The following PTPRT variants were observed in gnomAD, a reference collection of about 807,000 sequenced individuals.
PTPRT encodes the protein receptor-type tyrosine-protein phosphatase T.
PTPRT carries 56 observed loss-of-function variants against 176.8 expected under a neutral mutation model. The observed-to-expected ratio is 0.32, with a 90% CI of 0.26 to 0.40. PTPRT has a LOEUF of 0.40. Ranked by LOEUF, PTPRT falls within the 10% of genes least tolerant of loss-of-function variation. The pLI is 1.00. For missense variants in PTPRT, 1,540 were observed against 1,908.2 expected (o/e 0.81, Z 3.60); for synonymous variants, 783 against 739.0 (o/e 1.06, Z -0.96).
At position 42,338,564 on chromosome 20, in the gene PTPRT, T is replaced by C. The variant is rs527957007; in HGVS notation, c.1865+12064A>G. Among the ~76,000 whole-genome samples the C allele has an allele frequency of 4.6e-5, 7 of 152,286 alleles. No individual in the cohort carries two copies. In the South Asian group the frequency reaches 1.5e-3, roughly 32 times the overall value. On this transcript the variant is annotated intron_variant, in intron 11 of 30. Transcript: ENST00000373187. ...CAGGGTGTCCTGGCAGGGGAGACGTTATCTGAGAGCCGTGGGAAGCAGATG... is the reference window on the plus strand; with the variant it reads ...CAGGGTGTCCTGGCAGGGGAGACGTCATCTGAGAGCCGTGGGAAGCAGATG...
intron 7 of PTPRT, among the ~76,000 whole-genome samples, chr20:42,511,627 A>G (rs1422286884): frequency 1.3e-5 from 2 of 152,156 alleles, no homozygotes; most frequent in Non-Finnish European, 2.9e-5. Flanking sequence ...GGAGCTCGAT[A>G]AAGATCACGA....
At chr20:42,424,882 A>T (rs552051003) in intron 9 of PTPRT, among the ~76,000 whole-genome samples, 1 of 150,834 alleles carries the variant, frequency 6.6e-6, no homozygotes, top group African/African-American at 2.4e-5. Context: ...TGTTAAAGAG[A>T]GTTGCCTCTC....
intron 1 of PTPRT, among the ~76,000 whole-genome samples, chr20:43,045,455 A>ATTT (rs143406929): frequency 0.063 from 8,029 of 127,162 alleles, 908 homozygotes; most frequent in African/African-American, 0.2. Flanking sequence ...TCTTTTTTTC[A>ATTT]TTTTTTTTTT....
In PTPRT at chr20:42,843,541, C is replaced by G. The variant is rs542099621; in HGVS notation, c.214+42266G>C. Among the ~76,000 whole-genome samples, 25 of 152,300 alleles carry G rather than the reference C, an allele frequency of 1.6e-4. No homozygotes were observed. In the South Asian group the frequency reaches 5.0e-3, roughly 30 times the overall value. The stretch of plus-strand genomic sequence containing the variant: ...TCAAATTGTCATTTCTCCAAAGAAA[C>G]CTGGCAAGGGTGATAACCTCTGGTG... On this transcript the variant is annotated intron_variant, in intron 2 of 30. Coordinates refer to ENST00000373187, the MANE Select transcript of PTPRT (RefSeq NM_007050.6).
intron 1 of PTPRT, among the ~76,000 whole-genome samples, chr20:43,169,225 T>G (rs2014932480): frequency 6.6e-6 from 1 of 152,138 alleles, no homozygotes; most frequent in African/African-American, 2.4e-5. Flanking sequence ...CTAAAAAGAG[T>G]CACTGCGATT....
chr20:42,120,663 T>G (rs1987542579), intron 19 of PTPRT, among the ~76,000 whole-genome samples: 1 of 152,196 alleles, frequency 6.6e-6, no homozygotes, highest in South Asian at 2.1e-4. Context: ...CCCCATAACC[T>G]TCATCATTGG....
At chr20:42,072,230 C>T (rs1982377084), downstream of PTPRT, among the ~76,000 whole-genome samples, 1 of 152,166 alleles carries the variant, frequency 6.6e-6, no homozygotes. Flanking sequence ...GCTCATGTGC[C>T]CCAGCCAAGC....
rs78637032 is a variant in PTPRT, at chr20:42,495,857, C to A, written c.1154-23295G>T. Among the ~76,000 whole-genome samples the A allele has an allele frequency of 4.8e-3, 723 of 152,162 alleles. 6 individuals carry two copies. Among genetic ancestry groups the A allele is most frequent in the African/African-American group, 0.017 (690 of 41,524 alleles). On this transcript the variant is annotated intron_variant, in intron 7 of 30. Coordinates refer to ENST00000373187, the MANE Select transcript of PTPRT (RefSeq NM_007050.6). ...ACTTAAAAACTACATACAGTTGACC[C>A]TTGTATATAATGCAAGGGTTAGAGG... is the stretch of plus-strand genomic sequence containing the variant.
At chr20:42,090,583 C>G (rs1196537460) in intron 27 of PTPRT, among the ~76,000 whole-genome samples, 1 of 152,132 alleles carries the variant, frequency 6.6e-6, no homozygotes, top group Admixed American at 6.5e-5. Context: ...TTGCAGAAAC[C>G]AGCAAGAAAC....
intron 8 of PTPRT, among the ~76,000 whole-genome samples, chr20:42,455,712 C>T (rs1426303272): frequency 6.6e-6 from 1 of 152,074 alleles, no homozygotes; most frequent in Non-Finnish European, 1.5e-5. Context: ...AGTTGATTTG[C>T]CTGATAATTT....
chr20:42,270,325 G>T, intron 13 of PTPRT: 1 of 1,393,068 alleles, frequency 7.2e-7, no homozygotes, highest in Non-Finnish European at 9.9e-7. Context: ...CCTCTCTGGT[G>T]CACCTGGCCT....
At chr20:42,577,923 C>CTGTGTGTGTG (rs777761268) in intron 7 of PTPRT, among the ~76,000 whole-genome samples, 19 of 111,322 alleles carry the variant, frequency 1.7e-4, no homozygotes, top group East Asian at 5.7e-4. Context: ...CTGAGCGAGG[C>CTGTGTGTGTG]TGTGTGTGTG....
intron 1 of PTPRT, among the ~76,000 whole-genome samples, chr20:43,128,417 G>T (rs549791100): frequency 1.3e-5 from 2 of 152,196 alleles, no homozygotes; most frequent in Non-Finnish European, 1.5e-5. Flanking sequence ...ACTCTGAAAG[G>T]TTCAAGTCCC....
At chr20:42,818,414 A>C (rs577789521) in intron 2 of PTPRT, among the ~76,000 whole-genome samples, 51 of 152,322 alleles carry the variant, frequency 3.3e-4, no homozygotes, top group African/African-American at 1.2e-3. Flanking sequence ...AAAACTAAAC[A>C]AACTCACGAA....
chr20:42,978,188 T>C (rs1407109114), intron 1 of PTPRT, among the ~76,000 whole-genome samples: 1 of 152,182 alleles, frequency 6.6e-6, no homozygotes, highest in African/African-American at 2.4e-5. Context: ...GTTTAACTTA[T>C]AAATTAGACA....
intron 7 of PTPRT, among the ~76,000 whole-genome samples, chr20:42,614,386 A>G (rs2074028293): frequency 2.0e-5 from 3 of 152,186 alleles, no homozygotes; most frequent in Non-Finnish European, 4.4e-5. Context: ...ACTTCAACAT[A>G]TAATTCAGGT....
chr20:42,874,174 G>A (rs1052350523), intron 2 of PTPRT, among the ~76,000 whole-genome samples: 6 of 152,090 alleles, frequency 3.9e-5, no homozygotes, highest in African/African-American at 1.4e-4. Context: ...CGGCTGCCCT[G>A]GGAGTGGCTA....
At chr20:42,870,583 G>A (rs894554949) in intron 2 of PTPRT, among the ~76,000 whole-genome samples, 4 of 152,218 alleles carry the variant, frequency 2.6e-5, no homozygotes, top group Non-Finnish European at 5.9e-5. Context: ...GTCCTAGGTG[G>A]ATAGTTGGCT....
intron 27 of PTPRT, among the ~76,000 whole-genome samples, chr20:42,094,507 T>A (rs1984986659): frequency 6.6e-6 from 1 of 152,158 alleles, no homozygotes. Context: ...TCCACAGCTT[T>A]GATCTCCTGG....
Sources: allele counts gnomAD v4.1 joint callset (sites outside exome capture counted in the v4.1 genomes callset), GRCh38; gene constraint gnomAD v4.1.1; transcripts MANE v1.5; gene names NCBI Gene and HGNC (gene_info 2026-07-23, HGNC 2026-07-21).